The following ANK3 variants were observed in gnomAD, a reference collection of about 807,000 sequenced individuals.
ANK3 encodes the protein ankyrin 3.
ANK3 carries 57 observed loss-of-function variants against 370.9 expected under a neutral mutation model. The ratio of observed to expected loss-of-function variants is 0.15; its 90% CI spans 0.12 to 0.19. The LOEUF is 0.19. ANK3 is among the 10% of genes least tolerant of loss of function. The pLI is 1.00. For synonymous variants in ANK3, 1,929 were observed against 1,946.3 expected (o/e 0.99, Z 0.23); for missense variants, 4,439 against 5,302.1 (o/e 0.84, Z 5.06).
At chr10:60,542,392 A>T (rs1194696774) in intron 2 of ANK3, among the ~76,000 whole-genome samples, 1 of 151,864 alleles carries the variant, frequency 6.6e-6, no homozygotes, top group Non-Finnish European at 1.5e-5. Flanking sequence ...ACATGAAAAA[A>T]TGCTAAGAAT....
intron 1 of ANK3, among the ~76,000 whole-genome samples, chr10:60,673,924 C>A (rs1213004762): frequency 6.6e-6 from 1 of 152,102 alleles, no homozygotes; most frequent in Non-Finnish European, 1.5e-5. Flanking sequence ...ACTACATAGG[C>A]TGTCTCTACA....
chr10:60,240,306 A>ATTTTTTTTT lies in ANK3; in HGVS notation c.799-5529_799-5521dup, dbSNP rs1555186003. 6.2e-4 allele frequency among the ~76,000 whole-genome samples: 74 copies of ATTTTTTTTT among 119,750 alleles called. 3 individuals carry two copies. Among genetic ancestry groups the ATTTTTTTTT allele is most frequent in the Middle Eastern group, 4.7e-3 (1 of 214 alleles). The allele number at this position is 119,750 out of a possible 152,430, so 78.6% of individuals were successfully genotyped here. ...CATATATATATATATATATATATAT[A>ATTTTTTTTT]TTTTTTTTTCTTTTTGAGATAGAGT... is the stretch of plus-strand genomic sequence containing the variant. On this transcript the variant is annotated intron_variant, in intron 7 of 43. Coordinates refer to ENST00000280772, the MANE Select transcript of ANK3 (RefSeq NM_020987.5).
intron 23 of ANK3, among the ~76,000 whole-genome samples, chr10:60,142,686 G>A (rs768989708): frequency 6.6e-6 from 1 of 151,922 alleles, no homozygotes; most frequent in Non-Finnish European, 1.5e-5. Context: ...AAGAAGTCTG[G>A]GGTAGGAGTG....
intron 25 of ANK3, among the ~76,000 whole-genome samples, chr10:60,128,818 A>G (rs1241127063): frequency 2.0e-5 from 3 of 152,224 alleles, no homozygotes; most frequent in East Asian, 1.9e-4. Context: ...CACCACCACC[A>G]TAAGTGTTAC....
chr10:60,043,333 C>T, intron 42 of ANK3: 1 of 985,232 alleles, frequency 1.0e-6, no homozygotes, highest in South Asian at 4.7e-5. Context: ...TAACAGAAAA[C>T]AAATGAAGCC....
At chr10:60,128,177 A>G (rs1029689151) in intron 25 of ANK3, among the ~76,000 whole-genome samples, 3 of 152,174 alleles carry the variant, frequency 2.0e-5, no homozygotes, top group African/African-American at 7.2e-5. Context: ...CAAGAATACT[A>G]GCAAGTATAA....
chr10:60,267,144 T>C (rs146962855), intron 5 of ANK3, among the ~76,000 whole-genome samples: 3 of 152,306 alleles, frequency 2.0e-5, no homozygotes, highest in East Asian at 3.9e-4. Flanking sequence ...TCCCATCGTG[T>C]AGTGAATTAA....
rs977581337 is a variant in ANK3 at position 60,232,536 on chromosome 10, G to A, written c.897+2152C>T. Among the ~76,000 whole-genome samples the A allele has an allele frequency of 2.0e-5, 3 of 152,144 alleles. No homozygotes were observed. In the South Asian group the frequency reaches 6.2e-4, roughly 32 times the overall value. Reference sequence around the variant, plus strand: ...GATAATTGCTTCTTACTGGAATGATGCAAAATCAGTTCAGTAAGACCTATA... The same window carrying A: ...GATAATTGCTTCTTACTGGAATGATACAAAATCAGTTCAGTAAGACCTATA... On this transcript the variant is annotated intron_variant, in intron 8 of 43. Transcript: ENST00000280772.
At chr10:60,680,137 G>GAA (rs10641945) in intron 1 of ANK3, among the ~76,000 whole-genome samples, 77,340 of 127,896 alleles carry the variant, frequency 0.6, 23,319 homozygotes, top group South Asian at 0.75. Context: ...TCTGTCTCGG[G>GAA]AAAAAAAAAA....
chr10:60,083,705 A>C, intron 32 of ANK3, 88 bp from the exon 33 acceptor site: 1 of 1,162,894 alleles, frequency 8.6e-7, no homozygotes, highest in Non-Finnish European at 1.2e-6. Context: ...TAAAAGACTG[A>C]CGTTACTATG....
intron 1 of ANK3, chr10:60,684,561 A>T: frequency 6.3e-7 from 1 of 1,586,312 alleles, no homozygotes; most frequent in Non-Finnish European, 8.6e-7. Flanking sequence ...CTTCATTTCA[A>T]TCCTTCCACA....
At chr10:60,134,667 C>A (rs1333915128) in intron 24 of ANK3, among the ~76,000 whole-genome samples, 1 of 152,118 alleles carries the variant, frequency 6.6e-6, no homozygotes, top group Non-Finnish European at 1.5e-5. Context: ...TTGAGAAGAA[C>A]CAGATGATTC....
chr10:60,405,315 T>C (rs2063431588), intron 2 of ANK3, among the ~76,000 whole-genome samples: 1 of 152,156 alleles, frequency 6.6e-6, no homozygotes, highest in Non-Finnish European at 1.5e-5. Context: ...GGTGTACTCA[T>C]ACAATTAATC....
chr10:60,633,403 G>A (rs1439629544), intron 1 of ANK3, among the ~76,000 whole-genome samples: 6 of 151,990 alleles, frequency 3.9e-5, no homozygotes. Context: ...TCTAATAATA[G>A]ACTGCTGGAG....
chr10:60,559,684 T>C (rs1196499448), intron 2 of ANK3, among the ~76,000 whole-genome samples: 1 of 152,162 alleles, frequency 6.6e-6, no homozygotes, highest in Non-Finnish European at 1.5e-5. Flanking sequence ...CCGTGCAGAG[T>C]ATTTTTCTTT....
Position 60,186,908 on chromosome 10 carries a change from C to T in ANK3, c.1892G>A (p.Gly631Asp), listed in dbSNP as rs2096351422. Residue 631 changes from glycine to aspartate, a missense_variant, in exon 17 of 44, where the codon GGT becomes GAT. Physicochemically the swap from Gly to Asp is moderately conservative, Grantham distance 94. Around this residue, in one of 13 missense-constraint regions of ANK3, gnomAD observed 192 missense variants for 192.1 expected, o/e 1.00. Transcript: ENST00000280772. Reference protein sequence around the residue: ...GASPHAAAKNGYTPLHIAAKK... With the variant: ...GASPHAAAKNDYTPLHIAAKK... ...GGCAGCGATGTGCAGTGGCGTATAA[C>T]CATTCTGTCAACACAAATCACTTGG... is the stretch of plus-strand genomic sequence containing the variant. 1.2e-6 allele frequency: 2 copies of T among 1,613,986 alleles called. No homozygotes were observed. Among genetic ancestry groups the T allele is most frequent in the East Asian group, 2.2e-5 (1 of 44,860 alleles).
intron 1 of ANK3, among the ~76,000 whole-genome samples, chr10:60,291,241 T>A (rs2041307893): frequency 6.6e-6 from 1 of 152,080 alleles, no homozygotes; most frequent in Non-Finnish European, 1.5e-5. Flanking sequence ...TAAAGTAAGA[T>A]CTTAAAAAGC....
chr10:60,249,603 A>G (rs2097613764), intron 7 of ANK3, among the ~76,000 whole-genome samples: 1 of 152,218 alleles, frequency 6.6e-6, no homozygotes, highest in Non-Finnish European at 1.5e-5. Context: ...AGTTTCAAAC[A>G]TGTCAAGAAA....
At chr10:60,640,983 A>G (rs899519784) in intron 1 of ANK3, among the ~76,000 whole-genome samples, 1 of 141,044 alleles carries the variant, frequency 7.1e-6, no homozygotes, top group African/African-American at 2.6e-5. Flanking sequence ...TTATATACCA[A>G]TAACAGACAA....
Sources: gnomAD v4.1 joint callset for allele counts (sites outside exome capture counted in the v4.1 genomes callset) on GRCh38, gnomAD v4.1.1 for gene constraint, gnomAD v4.1.1 regional missense constraint, MANE v1.5 for transcripts, NCBI Gene and HGNC (gene_info 2026-07-23, HGNC 2026-07-21) for gene names.